Variants in OSBPL5 observed in about 807,000 individuals in gnomAD.
The protein encoded by OSBPL5 is oxysterol-binding protein-related protein 5.
Under a neutral mutation model 111.2 loss-of-function variants are expected in OSBPL5, and 71 were observed. The observed-to-expected ratio is 0.64, with a 90% CI of 0.53 to 0.78. The LOEUF is 0.78. Ranked by LOEUF, OSBPL5 falls within the 30% of genes least tolerant of loss-of-function variation. OSBPL5 has a pLI of 0.00. For synonymous variants in OSBPL5, 549 were observed against 513.9 expected, an observed-to-expected ratio of 1.07 and a Z score of -0.93; for missense variants, 1,210 against 1,189.3, an observed-to-expected ratio of 1.02 and a Z score of -0.26.
At chr11:3,095,384 ATAT>A (rs1857222711) in intron 14 of OSBPL5, among the ~76,000 whole-genome samples, 1 of 152,150 alleles carries the variant, frequency 6.6e-6, no homozygotes, top group Admixed American at 6.5e-5. Context: ...TGATCACTAA[ATAT>A]TATTTCCTAG....
At chr11:3,160,826 G>A (rs933482694) in intron 1 of OSBPL5, 2 of 152,184 alleles carry the variant, frequency 1.3e-5, no homozygotes, top group African/African-American at 4.8e-5. Context: ...GCGAGAGAAG[G>A]GACAAAGGCA....
At chr11:3,119,198 T>C (rs926394021) in intron 7 of OSBPL5, among the ~76,000 whole-genome samples, 1 of 150,838 alleles carries the variant, frequency 6.6e-6, no homozygotes, top group African/African-American at 2.4e-5. Context: ...TTTAGTAGAG[T>C]CGGGGTTTCA....
Position 3,110,002 on chromosome 11 carries a change from C to G in OSBPL5, c.692-2057G>C, listed in dbSNP as rs1424120493. Among the ~76,000 whole-genome samples the G allele has an allele frequency of 6.6e-6, 1 of 152,154 alleles. No individual in the cohort carries two copies. Among genetic ancestry groups the G allele is most frequent in the Admixed American group, 6.5e-5 (1 of 15,276 alleles). ...CTGCCTTATCTGATGGTTGGTTATC[C>G]ACCTCACCCAGGAGCACAGAGGCTG... is the stretch of plus-strand genomic sequence containing the variant. On this transcript the variant is annotated intron_variant, in intron 7 of 21. Transcript: ENST00000263650. This position sits in a 1 kb window ranked among gnomAD's most constrained non-coding sequence, Gnocchi z 5.3.
rs1214761032 is a variant in OSBPL5, at chr11:3,151,790, G to A, written c.-22+13426C>T. ...TCTCCAGGCAACACAGCCACGCTGT[G>A]CTGGGAACCTGGATGGGCCCCGTCA... On this transcript the variant is annotated intron_variant, in intron 1 of 21. Coordinates refer to ENST00000263650, the MANE Select transcript of OSBPL5 (RefSeq NM_020896.4). 2.0e-5 allele frequency among the ~76,000 whole-genome samples: 3 copies of A among 152,380 alleles called. No individual in the cohort carries two copies. The East Asian group carries it at 5.8e-4, about 29-fold the overall frequency.
chr11:3,125,697 C>T (rs1383270277), intron 3 of OSBPL5, among the ~76,000 whole-genome samples: 2 of 149,774 alleles, frequency 1.3e-5, no homozygotes, highest in East Asian at 2.0e-4. Context: ...CCCAGCTACT[C>T]GGGAGGCTGA....
chr11:3,151,637 C>T (rs766137628), intron 1 of OSBPL5, among the ~76,000 whole-genome samples: 11 of 152,338 alleles, frequency 7.2e-5, no homozygotes, highest in African/African-American at 1.9e-4. Context: ...CACAAAAAAA[C>T]GGTTCTTACA....
intron 1 of OSBPL5, among the ~76,000 whole-genome samples, chr11:3,148,534 G>A (rs2134534094): frequency 6.6e-6 from 1 of 152,380 alleles, no homozygotes; most frequent in East Asian, 1.9e-4. Flanking sequence ...GGCTGTCCAG[G>A]TGGAGGAGAC....
intron 14 of OSBPL5, among the ~76,000 whole-genome samples, chr11:3,096,957 GA>G (rs1857278057): frequency 8.4e-6 from 1 of 119,524 alleles, no homozygotes; most frequent in South Asian, 3.1e-4. Flanking sequence ...GAGATGGGAG[GA>G]GGAGAAGAGG....
At chr11:3,123,226 C>T (rs1177308738) in intron 3 of OSBPL5, among the ~76,000 whole-genome samples, 7 of 152,252 alleles carry the variant, frequency 4.6e-5, no homozygotes, top group South Asian at 2.1e-4. Context: ...GGGTAGGGGG[C>T]GAGTTGGGAC....
In OSBPL5 at chr11:3,142,138, C is replaced by T. The variant is rs183980154; in HGVS notation, c.-21-12969G>A. Among the ~76,000 whole-genome samples, 1,246 of 152,296 alleles carry T rather than the reference C, an allele frequency of 8.2e-3. 13 individuals carry two copies. Among genetic ancestry groups the T allele is most frequent in the African/African-American group, 0.029 (1,201 of 41,566 alleles). On this transcript the variant is annotated intron_variant, in intron 1 of 21. Coordinates refer to ENST00000263650, the MANE Select transcript of OSBPL5 (RefSeq NM_020896.4). This position sits in a 1 kb window ranked among gnomAD's most constrained non-coding sequence, Gnocchi z 7.1. ...TTCACCATGTTGGCCAGGCTGGTCT[C>T]CAACTCCCGACCTCAAGTGATCTGC...
rs1590623784 is a variant in OSBPL5, at chr11:3,088,133, G to A, written c.*72C>T. The A allele has an allele frequency of 5.1e-6, 7 of 1,372,040 alleles. No homozygotes were observed. The highest frequency in any genetic ancestry group is 2.1e-4 in the Middle Eastern group (1 of 4,826). 85.0% of individuals were successfully genotyped at this position (1,372,040 alleles called of 1,614,324 possible). ...CTTGCCGGGCCTCTCTGCCTCCATGGAGCAGGCTTAAAGTGCTGGGTGCCT... is the reference window on the plus strand; with the variant it reads ...CTTGCCGGGCCTCTCTGCCTCCATGAAGCAGGCTTAAAGTGCTGGGTGCCT... On this transcript the variant is annotated 3_prime_UTR_variant, in exon 22 of 22. Coordinates refer to ENST00000263650, the MANE Select transcript of OSBPL5 (RefSeq NM_020896.4).
chr11:3,123,863 C>T (rs1177417395), intron 3 of OSBPL5, among the ~76,000 whole-genome samples: 1 of 152,216 alleles, frequency 6.6e-6, no homozygotes, highest in African/African-American at 2.4e-5. Context: ...AATCAAGGCA[C>T]AGAGAGGTGG....
At chr11:3,112,404 G>A (rs1212229016) in intron 7 of OSBPL5, among the ~76,000 whole-genome samples, 1 of 151,102 alleles carries the variant, frequency 6.6e-6, no homozygotes, top group Non-Finnish European at 1.5e-5. Context: ...CCCCAAGAAT[G>A]TAAACAGACA....
At position 3,104,038 on chromosome 11, in the gene OSBPL5, C is replaced by T. The variant is rs1354976805; in HGVS notation, c.1244+155G>A. On this transcript the variant is annotated intron_variant, in intron 10 of 21. Transcript: ENST00000263650. The surrounding 1 kb of genome is among the most constrained non-coding windows in gnomAD (Gnocchi z 5.0). ...TCCCAGGCCCATCTTGGAGACAGGGCCCCCTGGGAGGCTACAGCTGCAGAA... is the reference window on the plus strand; with the variant it reads ...TCCCAGGCCCATCTTGGAGACAGGGTCCCCTGGGAGGCTACAGCTGCAGAA... 6.6e-6 allele frequency among the ~76,000 whole-genome samples: 1 copy of T among 152,202 alleles called. No individual in the cohort carries two copies. Among genetic ancestry groups the T allele is most frequent in the African/African-American group, 2.4e-5 (1 of 41,452 alleles).
At chr11:3,090,779 C>A in intron 19 of OSBPL5, 83 bp from the exon 20 acceptor site, 1 of 1,489,268 alleles carries the variant, frequency 6.7e-7, no homozygotes, top group Non-Finnish European at 9.0e-7. Context: ...ATGCTTATGC[C>A]AGGACAGTGC....
rs1846696050 is a variant in OSBPL5 at position 3,154,633 on chromosome 11, A to G, written c.-22+10583T>C. 6.6e-6 allele frequency among the ~76,000 whole-genome samples: 1 copy of G among 152,068 alleles called. No individual in the cohort carries two copies. The highest frequency in any genetic ancestry group is 2.4e-5 in the African/African-American group (1 of 41,390). On this transcript the variant is annotated intron_variant, in intron 1 of 21. Coordinates refer to ENST00000263650, the MANE Select transcript of OSBPL5 (RefSeq NM_020896.4). This position sits in a 1 kb window ranked among gnomAD's most constrained non-coding sequence, Gnocchi z 4.9. ...GGCCCTCACAGGGGATAAAAACAGA[A>G]CCCACTGACGAGACGCCTGGCAGTG...
rs1446617132 is a variant in OSBPL5, at chr11:3,092,506, T to A, written c.2185A>T (p.Ile729Phe). 6.3e-7 allele frequency: 1 copy of A among 1,582,738 alleles called. No individual in the cohort carries two copies. The highest frequency in any genetic ancestry group is 1.3e-5 in the African/African-American group (1 of 74,286). Residue 729 changes from isoleucine (I) to phenylalanine (F), a missense_variant, in exon 19 of 22, where the codon ATC (isoleucine) becomes TTC (phenylalanine). Ile to Phe is a conservative substitution (Grantham distance 21, BLOSUM62 0). Transcript: ENST00000263650. The surrounding 1 kb of genome is among the most constrained non-coding windows in gnomAD (Gnocchi z 5.4). Reference sequence around the variant, plus strand: ...GCCTCCTGCTGCAAGGTCCGCAGGATCCCGTCTTGCTCAAACTGGGCGATG... The same window carrying A: ...GCCTCCTGCTGCAAGGTCCGCAGGAACCCGTCTTGCTCAAACTGGGCGATG... ...KDIAQFEQDGILRTLQQEAVA... is the reference protein window; with the variant it reads ...KDIAQFEQDGFLRTLQQEAVA...
At chr11:3,136,809 C>G (rs1419518638) in intron 1 of OSBPL5, among the ~76,000 whole-genome samples, 1 of 152,258 alleles carries the variant, frequency 6.6e-6, no homozygotes, top group East Asian at 1.9e-4. Context: ...AGAGGAGGCT[C>G]TGGCCACTGG....
intron 7 of OSBPL5, among the ~76,000 whole-genome samples, chr11:3,116,196 T>C (rs898823863): frequency 3.3e-5 from 5 of 152,220 alleles, no homozygotes; most frequent in Non-Finnish European, 7.3e-5. Context: ...TGTTCCAAAA[T>C]TATAGGAAAC....
Sources: gnomAD v4.1 joint callset for allele counts (sites outside exome capture counted in the v4.1 genomes callset) on GRCh38, gnomAD v4.1.1 for gene constraint, Gnocchi (gnomAD v3.1) non-coding constraint, MANE v1.5 for transcripts, NCBI Gene and HGNC (gene_info 2026-07-23, HGNC 2026-07-21) for gene names.